Variants in TMCC3 observed in about 807,000 individuals in gnomAD.
TMCC3 encodes the protein transmembrane and coiled-coil domain family 3.
Under a neutral mutation model 40.2 loss-of-function variants are expected in TMCC3, and 28 were observed. That is an observed-to-expected ratio of 0.70 (90% confidence interval 0.52 to 0.95). The LOEUF (loss-of-function observed/expected upper bound fraction) is 0.95, where lower values mean the gene tolerates loss of function less well. Ranked by LOEUF, TMCC3 falls within the 40% of genes least tolerant of loss-of-function variation. TMCC3 has a pLI of 0.00. For synonymous variants in TMCC3, 255 were observed against 248.5 expected (o/e 1.03, Z -0.25); for missense variants, 554 against 615.2 (o/e 0.90, Z 1.05).
At chr12:94,586,939 G>C (rs1175577424) in intron 1 of TMCC3, among the ~76,000 whole-genome samples, 2 of 152,236 alleles carry the variant, frequency 1.3e-5, no homozygotes, top group East Asian at 3.8e-4. Context: ...AGGGTATAAA[G>C]TTGGAACTAT....
intron 3 of TMCC3, among the ~76,000 whole-genome samples, chr12:94,576,348 C>T (rs1566313214): frequency 2.0e-5 from 3 of 152,304 alleles, no homozygotes; most frequent in South Asian, 2.1e-4. Flanking sequence ...CAGGATAAAG[C>T]ACTATCTTTA....
intron 1 of TMCC3, among the ~76,000 whole-genome samples, chr12:94,640,620 T>C (rs2068984541): frequency 6.6e-6 from 1 of 152,184 alleles, no homozygotes; most frequent in African/African-American, 2.4e-5. Flanking sequence ...CAAATAACAG[T>C]GCAGGTGGTA....
intron 1 of TMCC3, among the ~76,000 whole-genome samples, chr12:94,631,804 C>T (rs1223594631): frequency 6.6e-6 from 1 of 152,152 alleles, no homozygotes; most frequent in African/African-American, 2.4e-5. Flanking sequence ...ACAAACTAAC[C>T]TACTTTCTAA....
At chr12:94,646,068 C>G (rs12314554) in intron 1 of TMCC3, among the ~76,000 whole-genome samples, 8,201 of 152,182 alleles carry the variant, frequency 0.054, 738 homozygotes, top group African/African-American at 0.19. Flanking sequence ...GGTACAAGAT[C>G]TGTATTCTGG....
chr12:94,629,571 T>C (rs1341821059), intron 1 of TMCC3, among the ~76,000 whole-genome samples: 1 of 152,188 alleles, frequency 6.6e-6, no homozygotes, highest in East Asian at 1.9e-4. Flanking sequence ...CAGCCTCCCC[T>C]TACATTTTCT....
intron 1 of TMCC3, among the ~76,000 whole-genome samples, chr12:94,599,604 CAG>C (rs969481479): frequency 1.4e-5 from 2 of 147,050 alleles, no homozygotes; most frequent in Non-Finnish European, 1.5e-5. Flanking sequence ...TACTGCTTTA[CAG>C]AGTCTTACCT....
chr12:94,592,661 C>CAAAAAAAAAAAAAAAAAAAA (rs869058316), intron 1 of TMCC3, among the ~76,000 whole-genome samples: 530 of 27,460 alleles, frequency 0.019, 90 homozygotes, highest in Admixed American at 0.036. Flanking sequence ...GGCTCCATCT[C>CAAAAAAAAAAAAAAAAAAAA]AAAAAAAAAA....
rs1467855760 is a variant in TMCC3 at position 94,578,165 on chromosome 12, A to AAAAAAG, written c.1131+228_1131+229insCTTTTT. On this transcript the variant is annotated intron_variant, in intron 3 of 3. Coordinates refer to ENST00000261226, the MANE Select transcript of TMCC3 (RefSeq NM_020698.4). ...TCACCTCAAAAAAAAAAAAAAAAAA[A>AAAAAAG]AAAGAAAAAGAAAAAGAAAAAAAAA... 3.7e-3 allele frequency among the ~76,000 whole-genome samples: 456 copies of AAAAAAG among 123,272 alleles called. 22 individuals carry two copies. The highest frequency in any genetic ancestry group is 0.014 in the African/African-American group (411 of 29,456). 80.9% of individuals were successfully genotyped at this position (123,272 alleles called of 152,430 possible). A position where few individuals can be genotyped will look rare whatever the true frequency, so the allele number is the denominator to read the frequency against.
chr12:94,640,724 T>C (rs920829774), intron 1 of TMCC3, among the ~76,000 whole-genome samples: 4 of 152,178 alleles, frequency 2.6e-5, no homozygotes, highest in Admixed American at 6.5e-5. Flanking sequence ...AATGTTGTAA[T>C]GGGTTTCCCA....
intron 1 of TMCC3, among the ~76,000 whole-genome samples, chr12:94,645,485 T>C (rs1444368516): frequency 1.3e-5 from 2 of 152,244 alleles, no homozygotes; most frequent in African/African-American, 4.8e-5. Flanking sequence ...TTGCCCAGGC[T>C]GGAGTGCAAT....
At chr12:94,624,851 C>T (rs1425088518) in intron 1 of TMCC3, among the ~76,000 whole-genome samples, 1 of 150,242 alleles carries the variant, frequency 6.7e-6, no homozygotes, top group Non-Finnish European at 1.5e-5. Context: ...TGAAAATGTT[C>T]GAAAATGGGC....
At chr12:94,594,391 C>A (rs946798358) in intron 1 of TMCC3, among the ~76,000 whole-genome samples, 2 of 152,066 alleles carry the variant, frequency 1.3e-5, no homozygotes, top group Non-Finnish European at 2.9e-5. Context: ...CCGTGTCTGG[C>A]AGAACCAGGC....
chr12:94,632,030 A>T (rs1180661463), intron 1 of TMCC3, among the ~76,000 whole-genome samples: 1 of 152,278 alleles, frequency 6.6e-6, no homozygotes, highest in East Asian at 1.9e-4. Flanking sequence ...GCATTATGCT[A>T]AATGAAAGAA....
At chr12:94,590,260 ATT>A (rs72186655) in intron 1 of TMCC3, among the ~76,000 whole-genome samples, 5,391 of 85,172 alleles carry the variant, frequency 0.063, 130 homozygotes, top group Middle Eastern at 0.14. Context: ...CGCCCTGCTA[ATT>A]TTTTTTTTTT....
intron 1 of TMCC3, among the ~76,000 whole-genome samples, chr12:94,587,795 G>A (rs563222167): frequency 1.3e-5 from 2 of 152,242 alleles, no homozygotes; most frequent in East Asian, 1.9e-4. Flanking sequence ...GGGGTTATGC[G>A]GGGTCATTCT....
intron 1 of TMCC3, among the ~76,000 whole-genome samples, chr12:94,623,532 C>G (rs144494777): frequency 2.6e-5 from 4 of 152,356 alleles, no homozygotes; most frequent in African/African-American, 9.6e-5. Context: ...TTTTGTTATG[C>G]TTCTTATTCT....
intron 1 of TMCC3, among the ~76,000 whole-genome samples, chr12:94,599,849 T>C (rs958471556): frequency 7.2e-5 from 11 of 152,204 alleles, no homozygotes; most frequent in Non-Finnish European, 1.3e-4. Flanking sequence ...CTAATGATTA[T>C]AACTTGCTAC....
intron 1 of TMCC3, among the ~76,000 whole-genome samples, chr12:94,592,547 G>A (rs938385301): frequency 6.8e-6 from 1 of 147,812 alleles, no homozygotes; most frequent in South Asian, 2.2e-4. Context: ...AGGAGGCTGA[G>A]GCAGGAGAAT....
chr12:94,594,288 A>G (rs4761488), intron 1 of TMCC3, among the ~76,000 whole-genome samples: 53,824 of 150,788 alleles, frequency 0.36, 9,894 homozygotes, highest in Admixed American at 0.44. Context: ...GTGCAGTGAT[A>G]CCATCACTAG....
Sources: gnomAD v4.1 joint callset for allele counts (sites outside exome capture counted in the v4.1 genomes callset) on GRCh38, gnomAD v4.1.1 for gene constraint, MANE v1.5 for transcripts, NCBI Gene and HGNC (gene_info 2026-07-23, HGNC 2026-07-21) for gene names.